EPAS1: variants seen among roughly 807,000 people sequenced by gnomAD.
EPAS1 encodes endothelial PAS domain-containing protein 1.
Under a neutral mutation model 87.9 loss-of-function variants are expected in EPAS1, and 23 were observed. The ratio of observed to expected loss-of-function variants is 0.26; its 90% CI spans 0.19 to 0.37. EPAS1 has a LOEUF of 0.37. EPAS1 is among the 10% of genes least tolerant of loss of function. The probability of loss-of-function intolerance (pLI) is 1.00; values close to 1 mark genes in which losing one functional copy is unlikely to be tolerated. For missense variants in EPAS1, 1,138 were observed against 1,120.7 expected, an observed-to-expected ratio of 1.02 and a Z score of -0.22; for synonymous variants, 508 against 444.3, an observed-to-expected ratio of 1.14 and a Z score of -1.80.
chr2:46,303,303 C>T (rs1052350962), intron 1 of EPAS1, among the ~76,000 whole-genome samples: 3 of 152,072 alleles, frequency 2.0e-5, no homozygotes, highest in African/African-American at 7.2e-5. Flanking sequence ...AGGTGCTGAC[C>T]ACCAGCTTAA....
intron 2 of EPAS1, among the ~76,000 whole-genome samples, chr2:46,349,852 G>A (rs1182812192): frequency 1.3e-5 from 2 of 152,200 alleles, no homozygotes; most frequent in Admixed American, 6.5e-5. Flanking sequence ...GCGTTATGAA[G>A]AGGAGTACGG....
intron 4 of EPAS1, among the ~76,000 whole-genome samples, chr2:46,358,384 C>T (rs1332067170): frequency 3.3e-5 from 5 of 152,182 alleles, no homozygotes; most frequent in Admixed American, 2.6e-4. Flanking sequence ...ACCAGACTTT[C>T]TAAAGCTCTC....
At chr2:46,335,106 G>C (rs909065034) in intron 1 of EPAS1, among the ~76,000 whole-genome samples, 2 of 151,984 alleles carry the variant, frequency 1.3e-5, no homozygotes, top group African/African-American at 4.8e-5. Flanking sequence ...ATGAGGATGG[G>C]GGTAGGAGAG....
intron 11 of EPAS1, among the ~76,000 whole-genome samples, chr2:46,379,258 A>G (rs1684826930): frequency 1.3e-5 from 2 of 152,230 alleles, no homozygotes; most frequent in Non-Finnish European, 2.9e-5. Context: ...CATAAGGCCA[A>G]TGTTCTTGCA....
intron 1 of EPAS1, chr2:46,335,727 G>A (rs1261492350): frequency 6.6e-6 from 1 of 151,952 alleles, no homozygotes; most frequent in African/African-American, 2.4e-5. Flanking sequence ...AGGAGCCGGA[G>A]AGGTCCTCTC....
In EPAS1 at chr2:46,381,350, T is replaced by C. The variant is rs1485285759; in HGVS notation, c.2046-246T>C. 7.0e-6 allele frequency: 4 copies of C among 575,186 alleles called. No homozygotes were observed. The Admixed American group carries it at 1.1e-4, about 16-fold the overall frequency. The allele number at this position is 575,186 out of a possible 1,614,324, so 35.6% of individuals were successfully genotyped here. A position where few individuals can be genotyped will look rare whatever the true frequency, so the allele number is the denominator to read the frequency against. On this transcript the variant is annotated intron_variant, in intron 12 of 15. Transcript: ENST00000263734. ...GAAGAAACCCTCCTAAGGACTAACA[T>C]TGCCCAGCCAGGCAGCCATCCCCCA...
intron 6 of EPAS1, among the ~76,000 whole-genome samples, chr2:46,362,441 C>T (rs1234394510): frequency 6.6e-6 from 1 of 152,198 alleles, no homozygotes; most frequent in Non-Finnish European, 1.5e-5. Flanking sequence ...ACTCAAGGAG[C>T]TGAAACCACT....
At chr2:46,344,236 T>C (rs752250024) in intron 1 of EPAS1, among the ~76,000 whole-genome samples, 1 of 152,234 alleles carries the variant, frequency 6.6e-6, no homozygotes, top group Non-Finnish European at 1.5e-5. Context: ...TGTCAGAGCA[T>C]TGACTCCAGA....
In EPAS1 at chr2:46,372,152, C is replaced by T. The variant is rs1012557359; in HGVS notation, c.886+2219C>T. Among the ~76,000 whole-genome samples the T allele has an allele frequency of 8.5e-5, 13 of 152,180 alleles. 1 individual carries two copies. The highest frequency in any genetic ancestry group is 2.0e-4 in the Admixed American group (3 of 15,284). On this transcript the variant is annotated intron_variant, in intron 7 of 15. Coordinates refer to ENST00000263734, the MANE Select transcript of EPAS1 (RefSeq NM_001430.5). The stretch of plus-strand genomic sequence containing the variant: ...ACAGCCCAAATAGAAATCACAGGCT[C>T]TCTCTCCCCTTGATGGAGCCAAGTA...
In EPAS1 at chr2:46,360,563, C is replaced by T; in HGVS notation, c.455-75C>T. The T allele has an allele frequency of 1.5e-6, 2 of 1,299,092 alleles. No individual in the cohort carries two copies. The highest frequency in any genetic ancestry group is 2.2e-6 in the Non-Finnish European group (2 of 893,278). The allele number at this position is 1,299,092 out of a possible 1,614,324, so 80.5% of individuals were successfully genotyped here. A position where few individuals can be genotyped will look rare whatever the true frequency, so the allele number is the denominator to read the frequency against. Reference sequence around the variant, plus strand: ...ATAAACAATAGGCTGCCAAGAAAAACTGCAGCTGGGCCCCTCTCATGAATA... The same window carrying T: ...ATAAACAATAGGCTGCCAAGAAAAATTGCAGCTGGGCCCCTCTCATGAATA... On this transcript the variant is annotated intron_variant, in intron 4 of 15. Transcript: ENST00000263734. The surrounding 1 kb of genome is among the most constrained non-coding windows in gnomAD (Gnocchi z 4.5).
chr2:46,327,125 C>G (rs1375180569), intron 1 of EPAS1, among the ~76,000 whole-genome samples: 1 of 152,178 alleles, frequency 6.6e-6, no homozygotes, highest in South Asian at 2.1e-4. Context: ...TCTCAGTTTC[C>G]TCATCTGTAC....
intron 1 of EPAS1, among the ~76,000 whole-genome samples, chr2:46,306,766 A>G (rs1683114918): frequency 6.6e-6 from 1 of 152,252 alleles, no homozygotes; most frequent in South Asian, 2.1e-4. Context: ...TTCCTTCTGC[A>G]TTTCAAGACA....
intron 6 of EPAS1, among the ~76,000 whole-genome samples, chr2:46,363,017 G>GTGGTGGTGGTGATGA (rs1410002978): frequency 2.1e-4 from 31 of 144,340 alleles, no homozygotes; most frequent in East Asian, 8.4e-4. Context: ...GGTGGTGGTG[G>GTGGTGGTGGTGATGA]TGATAATGAT....
In EPAS1 at chr2:46,378,017, C is replaced by G; in HGVS notation, c.1373C>G (p.Thr458Ser). The change falls in exon 10 of 16, where the codon ACC (threonine) becomes AGC (serine). Residue 458 changes from threonine to serine, a missense_variant. By Grantham distance (58) the Thr-to-Ser change is moderately conservative (BLOSUM62 1). Coordinates refer to ENST00000263734, the MANE Select transcript of EPAS1 (RefSeq NM_001430.5). The part of the protein sequence containing the change: ...QSEAGSLPAF[T>S]VPQAAAPGST... The stretch of plus-strand genomic sequence containing the variant: ...GAGGCTGGGAGCCTGCCTGCCTTCA[C>G]CGTGCCCCAGGCAGCTGCCCCGGGC... 2 of 1,601,794 alleles carry G rather than the reference C, an allele frequency of 1.2e-6. No homozygotes were observed. Among genetic ancestry groups the G allele is most frequent in the Non-Finnish European group, 1.7e-6 (2 of 1,174,860 alleles).
intron 6 of EPAS1, among the ~76,000 whole-genome samples, 179 bp downstream of exon 6, chr2:46,361,269 T>C (rs759128590): frequency 6.6e-6 from 1 of 152,126 alleles, no homozygotes; most frequent in African/African-American, 2.4e-5. Flanking sequence ...CCCGGTACTG[T>C]ATTTGGTGGT....
chr2:46,340,662 T>C (rs1683893928), intron 1 of EPAS1, among the ~76,000 whole-genome samples: 1 of 152,208 alleles, frequency 6.6e-6, no homozygotes, highest in Non-Finnish European at 1.5e-5. Flanking sequence ...CTTGTCAAAG[T>C]CTGTCTGATC....
rs1558608834 is a variant in EPAS1 at position 46,375,780 on chromosome 2, T to A, written c.977T>A (p.Ile326Asn). The change falls in exon 8 of 16, where the codon ATC becomes AAC. Residue 326 changes from isoleucine to asparagine, a missense_variant. This residue lies in a region of EPAS1 where 284 missense variants were observed against 258.4 expected (regional missense o/e 1.10). Transcript: ENST00000263734. This position sits in a 1 kb window ranked among gnomAD's most constrained non-coding sequence, Gnocchi z 4.1. ...YVWLETQGTVIYNPRNLQPQC... is the reference protein window; with the variant it reads ...YVWLETQGTVNYNPRNLQPQC... ...TGGCTGGAGACCCAGGGGACGGTCA[T>A]CTACAACCCTCGCAACCTGCAGCCC... is the stretch of plus-strand genomic sequence containing the variant. The A allele has an allele frequency of 6.2e-7, 1 of 1,614,096 alleles. No homozygotes were observed. Among genetic ancestry groups the A allele is most frequent in the Admixed American group, 1.7e-5 (1 of 60,014 alleles).
intron 1 of EPAS1, among the ~76,000 whole-genome samples, chr2:46,298,789 C>T (rs754150173): frequency 5.9e-5 from 9 of 152,188 alleles, no homozygotes; most frequent in African/African-American, 1.9e-4. Flanking sequence ...GCTCCCAGTC[C>T]AGCCGGGCCC....
At chr2:46,377,081 C>T (rs1008007308) in intron 9 of EPAS1, among the ~76,000 whole-genome samples, 1 of 152,152 alleles carries the variant, frequency 6.6e-6, no homozygotes, top group Non-Finnish European at 1.5e-5. Context: ...GGGATCTGCT[C>T]CGAGGCCACT....
Sources: gnomAD v4.1 joint callset for allele counts (sites outside exome capture counted in the v4.1 genomes callset) on GRCh38, gnomAD v4.1.1 for gene constraint, gnomAD v4.1.1 regional missense constraint, Gnocchi (gnomAD v3.1) non-coding constraint, MANE v1.5 for transcripts, NCBI Gene and HGNC (gene_info 2026-07-23, HGNC 2026-07-21) for gene names.